The following ROR2 variants were observed in gnomAD, a reference collection of about 807,000 sequenced individuals.
ROR2 encodes ROR family WNT receptor 2.
ROR2 carries 33 observed loss-of-function variants against 74.9 expected under a neutral mutation model. The ratio of observed to expected loss-of-function variants is 0.44; its 90% CI spans 0.33 to 0.59. ROR2 has a LOEUF of 0.59. Among genes scored for constraint, ROR2 ranks in the 20% least tolerant of loss-of-function variants. The probability of loss-of-function intolerance (pLI) is 0.02; values close to 1 mark genes in which losing one functional copy is unlikely to be tolerated. For missense variants in ROR2, 1,216 were observed against 1,313.8 expected, an observed-to-expected ratio of 0.93 and a Z score of 1.15; for synonymous variants, 586 against 558.7, an observed-to-expected ratio of 1.05 and a Z score of -0.69.
At chr9:91,751,005 T>C (rs1218524832) in intron 4 of ROR2, among the ~76,000 whole-genome samples, 1 of 152,186 alleles carries the variant, frequency 6.6e-6, no homozygotes, top group African/African-American at 2.4e-5. Flanking sequence ...TAATAACTCA[T>C]GTGTTGCAGG....
chr9:91,948,623 C>A, intron 1 of ROR2: 17 of 985,488 alleles, frequency 1.7e-5, no homozygotes, highest in Non-Finnish European at 1.8e-5. Context: ...CCGGCTAGGG[C>A]GGCAGGCCAG....
At chr9:91,869,061 T>C (rs1829719535) in intron 1 of ROR2, among the ~76,000 whole-genome samples, 1 of 152,158 alleles carries the variant, frequency 6.6e-6, no homozygotes, top group African/African-American at 2.4e-5. Context: ...GAATATATTT[T>C]TTTTTTCCTT....
intron 1 of ROR2, among the ~76,000 whole-genome samples, chr9:91,777,875 AAAG>A (rs1826473300): frequency 6.6e-6 from 1 of 152,214 alleles, no homozygotes; most frequent in Admixed American, 6.5e-5. Context: ...AAAGAAAAAA[AAAG>A]AAGAAAGCAT....
rs778806413 is a variant in ROR2 at position 91,828,013 on chromosome 9, T to C, written c.98-52195A>G. Among the ~76,000 whole-genome samples, 53 of 152,386 alleles carry C rather than the reference T, an allele frequency of 3.5e-4. No individual in the cohort carries two copies. The Middle Eastern group carries it at 0.014, about 39-fold the overall frequency. ...TCAAAATTTTCTTTGGCATTTGCCATTTCTTTATTCCTCCAAATGAGTCAT... is the reference window on the plus strand; with the variant it reads ...TCAAAATTTTCTTTGGCATTTGCCACTTCTTTATTCCTCCAAATGAGTCAT... On this transcript the variant is annotated intron_variant, in intron 1 of 8. Coordinates refer to ENST00000375708, the MANE Select transcript of ROR2 (RefSeq NM_004560.4).
chr9:91,929,128 C>A (rs1187905995), intron 1 of ROR2, among the ~76,000 whole-genome samples: 1 of 152,238 alleles, frequency 6.6e-6, no homozygotes, highest in African/African-American at 2.4e-5. Context: ...TAAACCTCCA[C>A]ACCCGTATTT....
chr9:91,846,000 AT>A (rs1244379268), intron 1 of ROR2, among the ~76,000 whole-genome samples: 2 of 151,920 alleles, frequency 1.3e-5, no homozygotes, highest in African/African-American at 4.8e-5. Context: ...AGAAGAAGCA[AT>A]CCCATGGTGG....
intron 1 of ROR2, among the ~76,000 whole-genome samples, chr9:91,835,406 A>C (rs1336514436): frequency 1.3e-5 from 2 of 152,148 alleles, no homozygotes; most frequent in Admixed American, 6.6e-5. Context: ...TTCTCTGCAC[A>C]CACACTGCCC....
intron 2 of ROR2, among the ~76,000 whole-genome samples, chr9:91,774,558 C>G (rs545812932): frequency 6.6e-6 from 1 of 152,274 alleles, no homozygotes; most frequent in Non-Finnish European, 1.5e-5. Flanking sequence ...GCTCCCCAAA[C>G]AGAAAGCCAA....
rs559880257 is a variant in ROR2 at position 91,844,096 on chromosome 9, G to A, written c.98-68278C>T. Reference sequence around the variant, plus strand: ...GGCCATCAAACGCGGAGCTGCACACGTTTCAGCAAGCTGCCCTGAGCCAGC... The same window carrying A: ...GGCCATCAAACGCGGAGCTGCACACATTTCAGCAAGCTGCCCTGAGCCAGC... On this transcript the variant is annotated intron_variant, in intron 1 of 8. Transcript: ENST00000375708. Among the ~76,000 whole-genome samples, 195 of 152,320 alleles carry A rather than the reference G, an allele frequency of 1.3e-3. 2 individuals carry two copies. The highest frequency in any genetic ancestry group is 1.8e-3 in the Non-Finnish European group (124 of 68,036).
intron 1 of ROR2, among the ~76,000 whole-genome samples, chr9:91,781,315 G>A (rs978350062): frequency 1.3e-5 from 2 of 152,156 alleles, no homozygotes; most frequent in African/African-American, 2.4e-5. Flanking sequence ...GCTACGCTGC[G>A]AGCAAGCTCT....
intron 1 of ROR2, among the ~76,000 whole-genome samples, chr9:91,937,929 G>C (rs1488482708): frequency 1.3e-5 from 2 of 152,124 alleles, no homozygotes; most frequent in African/African-American, 4.8e-5. Flanking sequence ...TGTTGCCCAG[G>C]CTGGTCTCCA....
At chr9:91,904,745 G>T (rs1337849845) in intron 1 of ROR2, among the ~76,000 whole-genome samples, 1 of 152,134 alleles carries the variant, frequency 6.6e-6, no homozygotes, top group African/African-American at 2.4e-5. Flanking sequence ...GGCTTTGGAG[G>T]CCTCCTCGAC....
chr9:91,862,567 C>G (rs1234535678), intron 1 of ROR2, among the ~76,000 whole-genome samples: 2 of 152,056 alleles, frequency 1.3e-5, no homozygotes, highest in Non-Finnish European at 2.9e-5. Context: ...GAGGTTGAGG[C>G]AGGAGAATCG....
At chr9:91,891,603 A>T (rs910599740) in intron 1 of ROR2, among the ~76,000 whole-genome samples, 1 of 152,164 alleles carries the variant, frequency 6.6e-6, no homozygotes, top group Non-Finnish European at 1.5e-5. Context: ...CCAGGGAAAG[A>T]ATCTTTTGCA....
intron 1 of ROR2, among the ~76,000 whole-genome samples, chr9:91,823,487 G>A (rs564952058): frequency 1.3e-5 from 2 of 151,354 alleles, no homozygotes; most frequent in South Asian, 2.1e-4. Flanking sequence ...ATGCCACCAC[G>A]CCAGCTGATT....
intron 1 of ROR2, among the ~76,000 whole-genome samples, chr9:91,848,395 C>T (rs536447557): frequency 5.3e-5 from 8 of 152,248 alleles, no homozygotes; most frequent in Admixed American, 3.3e-4. Context: ...AGATGATGGA[C>T]GTAGATATAT....
At chr9:91,884,291 C>G (rs1189513184) in intron 1 of ROR2, among the ~76,000 whole-genome samples, 1 of 152,000 alleles carries the variant, frequency 6.6e-6, no homozygotes, top group Non-Finnish European at 1.5e-5. Context: ...ACAGACCAGC[C>G]AAGGCTGTTC....
intron 1 of ROR2, among the ~76,000 whole-genome samples, chr9:91,839,161 T>TG (rs1056441702): frequency 2.0e-5 from 3 of 152,130 alleles, no homozygotes; most frequent in African/African-American, 2.4e-5. Flanking sequence ...GAAGGGGTTC[T>TG]GGGGGGCAGC....
chr9:91,910,277 G>C lies in ROR2; in HGVS notation c.97+39590C>G, dbSNP rs188644939. Among the ~76,000 whole-genome samples the C allele has an allele frequency of 7.2e-5, 11 of 152,338 alleles. 1 individual carries two copies. The highest frequency in any genetic ancestry group is 7.2e-4 in the Admixed American group (11 of 15,296). ...GACATTTCAGACTGGAGATTGAATT[G>C]ATGACTGTGTGCTGAAGGCAATCTG... On this transcript the variant is annotated intron_variant, in intron 1 of 8. Coordinates refer to ENST00000375708, the MANE Select transcript of ROR2 (RefSeq NM_004560.4).
Sources: gnomAD v4.1 joint callset for allele counts (sites outside exome capture counted in the v4.1 genomes callset) on GRCh38, gnomAD v4.1.1 for gene constraint, MANE v1.5 for transcripts, NCBI Gene and HGNC (gene_info 2026-07-23, HGNC 2026-07-21) for gene names.